The following SH3PXD2A variants were observed in gnomAD, a reference collection of about 807,000 sequenced individuals.
SH3PXD2A encodes the protein SH3 and PX domain-containing protein 2A.
In SH3PXD2A, 32 loss-of-function variants were observed where a neutral mutation model predicts 115.2. The observed-to-expected ratio is 0.28, with a 90% CI of 0.21 to 0.37. The LOEUF is 0.37. SH3PXD2A is among the 10% of genes least tolerant of loss of function. SH3PXD2A has a pLI of 1.00. For missense variants in SH3PXD2A, 1,328 were observed against 1,498.7 expected, an observed-to-expected ratio of 0.89 and a Z score of 1.88; for synonymous variants, 610 against 629.1, an observed-to-expected ratio of 0.97 and a Z score of 0.45.
intron 2 of SH3PXD2A, among the ~76,000 whole-genome samples, chr10:103,768,014 G>C (rs2038778090): frequency 6.6e-6 from 1 of 152,112 alleles, no homozygotes; most frequent in Non-Finnish European, 1.5e-5. Flanking sequence ...GCCTCTCAAG[G>C]TTGGGCCTCA....
rs185317431 is a variant in SH3PXD2A, at chr10:103,833,718, C to T, written c.72+21477G>A. On this transcript the variant is annotated intron_variant, in intron 1 of 14. Transcript: ENST00000369774. ...GCCTCCTAACGATTCACTGGTTTTG[C>T]ACTGGATCTCCTTTGCTAGAGGAAA... Among the ~76,000 whole-genome samples, 10 of 152,244 alleles carry T rather than the reference C, an allele frequency of 6.6e-5. No homozygotes were observed. The East Asian group carries it at 1.9e-3, about 29-fold the overall frequency.
At chr10:103,833,842 C>G (rs1007054573) in intron 1 of SH3PXD2A, among the ~76,000 whole-genome samples, 2 of 152,200 alleles carry the variant, frequency 1.3e-5, no homozygotes, top group African/African-American at 2.4e-5. Flanking sequence ...TGAGGGAGGA[C>G]AGCGTGACCA....
intron 3 of SH3PXD2A, among the ~76,000 whole-genome samples, chr10:103,761,103 CA>C (rs1295068909): frequency 6.6e-6 from 1 of 152,136 alleles, no homozygotes; most frequent in Non-Finnish European, 1.5e-5. Context: ...TCCTAAAGAC[CA>C]GCTGACATGC....
At chr10:103,624,536 T>C (rs572913479) in intron 9 of SH3PXD2A, among the ~76,000 whole-genome samples, 2 of 152,348 alleles carry the variant, frequency 1.3e-5, no homozygotes, top group South Asian at 4.1e-4. Flanking sequence ...CCTACCATAC[T>C]GAACTCCCAC....
Position 103,732,533 on chromosome 10 carries a change from C to T in SH3PXD2A, c.306+3199G>A, listed in dbSNP as rs185748367. The stretch of plus-strand genomic sequence containing the variant: ...TAACACTGATATTGGGCTGTGAAAC[C>T]GCCATTAGGTGGTGGGACTGGCTGG... On this transcript the variant is annotated intron_variant, in intron 4 of 14. Coordinates refer to ENST00000369774, the MANE Select transcript of SH3PXD2A (RefSeq NM_001394015.1). Among the ~76,000 whole-genome samples the T allele has an allele frequency of 4.0e-4, 61 of 152,278 alleles. 2 individuals carry two copies. Among genetic ancestry groups the T allele is most frequent in the Admixed American group, 2.9e-3 (44 of 15,294 alleles).
At chr10:103,760,719 AT>A (rs1439758898) in intron 3 of SH3PXD2A, among the ~76,000 whole-genome samples, 2 of 151,864 alleles carry the variant, frequency 1.3e-5, no homozygotes, top group African/African-American at 4.8e-5. Flanking sequence ...GAGTAAAAAT[AT>A]GTTTTTTGTT....
chr10:103,645,353 T>C (rs2037020699), intron 8 of SH3PXD2A, among the ~76,000 whole-genome samples: 1 of 152,208 alleles, frequency 6.6e-6, no homozygotes, highest in Non-Finnish European at 1.5e-5. Context: ...TGGGCAATGT[T>C]CCTTCTTCCA....
intron 1 of SH3PXD2A, among the ~76,000 whole-genome samples, chr10:103,812,453 G>A (rs545675484): frequency 1.7e-4 from 26 of 152,200 alleles, no homozygotes; most frequent in African/African-American, 6.0e-4. Context: ...TTACACTCCT[G>A]GGCTTCCAAG....
At chr10:103,808,278 G>A (rs2039228156) in intron 1 of SH3PXD2A, among the ~76,000 whole-genome samples, 3 of 151,434 alleles carry the variant, frequency 2.0e-5, no homozygotes, top group South Asian at 2.1e-4. Flanking sequence ...TTGAGACAGG[G>A]TCTGGCTCTG....
chr10:103,650,404 G>A (rs574109324), intron 8 of SH3PXD2A, among the ~76,000 whole-genome samples: 2 of 152,194 alleles, frequency 1.3e-5, no homozygotes, highest in Non-Finnish European at 2.9e-5. Flanking sequence ...CAGCGCAATG[G>A]GGAAGAACAG....
chr10:103,816,987 C>T (rs980842811), intron 1 of SH3PXD2A, among the ~76,000 whole-genome samples: 11 of 144,860 alleles, frequency 7.6e-5, no homozygotes, highest in Non-Finnish European at 1.1e-4. Flanking sequence ...TGTGCCAACA[C>T]ACCCGGCTAA....
At chr10:103,815,901 A>G (rs558326865) in intron 1 of SH3PXD2A, among the ~76,000 whole-genome samples, 1 of 151,510 alleles carries the variant, frequency 6.6e-6, no homozygotes, top group Non-Finnish European at 1.5e-5. Context: ...AAAAAAAAAA[A>G]GAAAAAGAAA....
At chr10:103,828,257 C>A (rs891027647) in intron 1 of SH3PXD2A, among the ~76,000 whole-genome samples, 3 of 152,176 alleles carry the variant, frequency 2.0e-5, no homozygotes, top group Non-Finnish European at 4.4e-5. Context: ...GCTGAAGGAA[C>A]AAGAGTCCAT....
chr10:103,758,666 G>T (rs1039961082), intron 3 of SH3PXD2A, among the ~76,000 whole-genome samples: 1 of 152,226 alleles, frequency 6.6e-6, no homozygotes, highest in African/African-American at 2.4e-5. Flanking sequence ...CCTGAAAACT[G>T]CCCGTCCAGA....
chr10:103,661,737 G>T, intron 7 of SH3PXD2A: 1 of 985,322 alleles, frequency 1.0e-6, no homozygotes, highest in Non-Finnish European at 1.2e-6. Context: ...AGTCAAGAGG[G>T]TTTGAGGCCG....
At chr10:103,724,547 A>T (rs1284914072) in intron 4 of SH3PXD2A, among the ~76,000 whole-genome samples, 186 bp from the exon 5 acceptor site, 1 of 151,910 alleles carries the variant, frequency 6.6e-6, no homozygotes, top group Non-Finnish European at 1.5e-5. Flanking sequence ...TCAAATAACG[A>T]ATCAAACAAC....
At chr10:103,607,756 T>C (rs1250254611) in intron 13 of SH3PXD2A, among the ~76,000 whole-genome samples, 1 of 152,150 alleles carries the variant, frequency 6.6e-6, no homozygotes, top group Non-Finnish European at 1.5e-5. Flanking sequence ...GGTTGCCGCG[T>C]CTGTGTAGAA....
At chr10:103,617,072 G>A (rs945503663) in intron 11 of SH3PXD2A, 125 bp downstream of exon 11, 1 of 718,728 alleles carries the variant, frequency 1.4e-6, no homozygotes, top group African/African-American at 1.7e-5. Context: ...CAGCAGCCCA[G>A]CCCTGTGCCG....
intron 2 of SH3PXD2A, among the ~76,000 whole-genome samples, chr10:103,770,865 C>T (rs2038811414): frequency 6.6e-6 from 1 of 152,170 alleles, no homozygotes; most frequent in South Asian, 2.1e-4. Context: ...GTCGTGAATC[C>T]CCTTGTTCAC....
Sources: allele counts gnomAD v4.1 joint callset (sites outside exome capture counted in the v4.1 genomes callset), GRCh38; gene constraint gnomAD v4.1.1; transcripts MANE v1.5; gene names NCBI Gene and HGNC (gene_info 2026-07-23, HGNC 2026-07-21).